Variants in TTC28 observed in about 807,000 individuals in gnomAD.
The protein encoded by TTC28 is tetratricopeptide repeat domain 28, also known as tetratricopeptide repeat protein 28.
A neutral mutation model predicts 198.0 loss-of-function variants in TTC28; 61 were observed. That is an observed-to-expected ratio of 0.31 (90% CI 0.25 to 0.38). The LOEUF (loss-of-function observed/expected upper bound fraction) is 0.38, where lower values mean the gene tolerates loss of function less well. Among genes scored for constraint, TTC28 ranks in the 10% least tolerant of loss-of-function variants. TTC28 has a pLI of 1.00. For synonymous variants in TTC28, 1,171 were observed against 1,297.8 expected, an observed-to-expected ratio of 0.90 and a Z score of 2.10; for missense variants, 2,678 against 3,164.0, an observed-to-expected ratio of 0.85 and a Z score of 3.69.
intron 1 of TTC28, among the ~76,000 whole-genome samples, chr22:28,675,735 T>TCACACACACACACACA (rs71316854): frequency 8.1e-5 from 11 of 135,206 alleles, no homozygotes; most frequent in African/African-American, 2.8e-4. Context: ...TGAAACCCTG[T>TCACACACACACACACA]CACACACACA....
chr22:28,556,127 G>A (rs2049782078), intron 2 of TTC28, among the ~76,000 whole-genome samples: 1 of 152,020 alleles, frequency 6.6e-6, no homozygotes, highest in African/African-American at 2.4e-5. Context: ...GGGAGGCCAA[G>A]GAGGGTGGAT....
intron 2 of TTC28, among the ~76,000 whole-genome samples, chr22:28,610,064 C>T (rs981011489): frequency 6.6e-6 from 1 of 151,758 alleles, no homozygotes; most frequent in African/African-American, 2.4e-5. Flanking sequence ...CGGGGCATCT[C>T]TGAAAAAAAG....
chr22:28,018,692 C>T (rs1036300942), intron 13 of TTC28, among the ~76,000 whole-genome samples: 1 of 152,066 alleles, frequency 6.6e-6, no homozygotes, highest in South Asian at 2.1e-4. Flanking sequence ...GGCTCAGGGG[C>T]AGGGAATGGG....
chr22:28,608,582 G>T (rs111623460), intron 2 of TTC28, among the ~76,000 whole-genome samples: 1 of 152,052 alleles, frequency 6.6e-6, no homozygotes, highest in Non-Finnish European at 1.5e-5. Flanking sequence ...AATATCCCTC[G>T]GAATCTAAAA....
chr22:28,295,742 C>G (rs1274652366), intron 5 of TTC28, among the ~76,000 whole-genome samples: 1 of 152,016 alleles, frequency 6.6e-6, no homozygotes, highest in East Asian at 1.9e-4. Flanking sequence ...ATTTCTTTAC[C>G]AGTATGATTC....
chr22:28,541,839 A>C (rs1569012831), intron 2 of TTC28, among the ~76,000 whole-genome samples: 2 of 152,116 alleles, frequency 1.3e-5, no homozygotes, highest in Non-Finnish European at 1.5e-5. Flanking sequence ...CTGTAATCCC[A>C]ACACTTTGGG....
chr22:28,329,749 A>G (rs1258582985), intron 2 of TTC28, among the ~76,000 whole-genome samples: 1 of 151,926 alleles, frequency 6.6e-6, no homozygotes, highest in Non-Finnish European at 1.5e-5. Flanking sequence ...GGCATAAACC[A>G]TTTTCTCATT....
intron 11 of TTC28, 21 bp downstream of exon 11, chr22:28,096,167 GTT>G: frequency 1.3e-6 from 2 of 1,520,766 alleles, no homozygotes; most frequent in Non-Finnish European, 1.8e-6. Context: ...TAATTGCCCT[GTT>G]CCCACAGAAA....
At chr22:28,336,539 A>G (rs1334459101) in intron 2 of TTC28, among the ~76,000 whole-genome samples, 1 of 152,146 alleles carries the variant, frequency 6.6e-6, no homozygotes, top group African/African-American at 2.4e-5. Flanking sequence ...CTATTCAGAG[A>G]TTCAACTTCT....
rs146517549 is a variant in TTC28, at chr22:28,493,472, T to C, written c.381+136080A>G. On this transcript the variant is annotated intron_variant, in intron 2 of 22. Coordinates refer to ENST00000397906, the MANE Select transcript of TTC28 (RefSeq NM_001145418.2). The stretch of plus-strand genomic sequence containing the variant: ...ATAAGGGAAAAAAACATTCATTCTG[T>C]CTTTCTACAGGAATCACATCACAAG... Among the ~76,000 whole-genome samples, 151 of 152,338 alleles carry C rather than the reference T, an allele frequency of 9.9e-4. 2 individuals carry two copies. The East Asian group carries it at 0.025, about 25-fold the overall frequency.
intron 2 of TTC28, chr22:28,443,029 A>G (rs943945333): frequency 6.6e-6 from 1 of 152,192 alleles, no homozygotes; most frequent in African/African-American, 2.4e-5. Flanking sequence ...TCTTTCCCAT[A>G]TTCACTGCGA....
chr22:28,173,061 T>C (rs906403717), intron 5 of TTC28, among the ~76,000 whole-genome samples: 8 of 152,122 alleles, frequency 5.3e-5, no homozygotes, highest in African/African-American at 1.9e-4. Context: ...TAGGCTGAGT[T>C]CTGCTACCAA....
intron 5 of TTC28, among the ~76,000 whole-genome samples, chr22:28,283,460 A>G (rs1335957078): frequency 6.6e-6 from 1 of 152,206 alleles, no homozygotes; most frequent in African/African-American, 2.4e-5. Flanking sequence ...CTGTTTTCAG[A>G]GAAAGTGCTG....
intron 5 of TTC28, among the ~76,000 whole-genome samples, chr22:28,219,913 T>C (rs1927722944): frequency 6.6e-6 from 1 of 152,252 alleles, no homozygotes; most frequent in African/African-American, 2.4e-5. Flanking sequence ...CTGACACCTT[T>C]TGAACACTCT....
intron 2 of TTC28, among the ~76,000 whole-genome samples, chr22:28,616,595 T>C (rs528884840): frequency 6.6e-6 from 1 of 152,334 alleles, no homozygotes; most frequent in South Asian, 2.1e-4. Flanking sequence ...TTCATGCCTG[T>C]AATCCAAGCA....
At chr22:28,012,636 C>T (rs566322241) in intron 14 of TTC28, among the ~76,000 whole-genome samples, 3 of 152,214 alleles carry the variant, frequency 2.0e-5, no homozygotes, top group South Asian at 4.1e-4. Context: ...CTCAGCCTCC[C>T]GAGTAGCTGG....
At chr22:28,215,023 A>T (rs1179259866) in intron 5 of TTC28, among the ~76,000 whole-genome samples, 1 of 152,192 alleles carries the variant, frequency 6.6e-6, no homozygotes, top group Non-Finnish European at 1.5e-5. Flanking sequence ...TAAGCAAACT[A>T]AAGCAAGGAC....
In TTC28 at chr22:28,583,260, T is replaced by C. The variant is rs539022702; in HGVS notation, c.381+46292A>G. On this transcript the variant is annotated intron_variant, in intron 2 of 22. Transcript: ENST00000397906. ...GATGTCACTTATAATTTGTGATTCA[T>C]TTTCATTTTCATAAGCAGGATAAAT... Among the ~76,000 whole-genome samples the C allele has an allele frequency of 1.1e-4, 17 of 152,340 alleles. 1 individual carries two copies. Among genetic ancestry groups the C allele is most frequent in the African/African-American group, 3.8e-4 (16 of 41,578 alleles).
intron 6 of TTC28, among the ~76,000 whole-genome samples, chr22:28,136,150 C>A (rs909741535): frequency 6.6e-6 from 1 of 152,180 alleles, no homozygotes. Context: ...AAAATGCTTA[C>A]GTTTTGTTTT....
Sources: gnomAD v4.1 joint callset for allele counts (sites outside exome capture counted in the v4.1 genomes callset) on GRCh38, gnomAD v4.1.1 for gene constraint, MANE v1.5 for transcripts, NCBI Gene and HGNC (gene_info 2026-07-23, HGNC 2026-07-21) for gene names.